PHF2: variants seen among roughly 807,000 people sequenced by gnomAD.
PHF2 encodes the protein lysine-specific demethylase PHF2.
In PHF2, 27 loss-of-function variants were observed where a neutral mutation model predicts 120.5. That is an observed-to-expected ratio of 0.22 (90% CI 0.17 to 0.31). The LOEUF (loss-of-function observed/expected upper bound fraction) is 0.31. Ranked by LOEUF, PHF2 falls within the 10% of genes least tolerant of loss-of-function variation. PHF2 has a pLI of 1.00. For missense variants in PHF2, 1,024 were observed against 1,434.8 expected, an observed-to-expected ratio of 0.71 and a Z score of 4.63; for synonymous variants, 568 against 592.5, an observed-to-expected ratio of 0.96 and a Z score of 0.60.
At chr9:93,586,618 A>G (rs1863049410) in intron 1 of PHF2, among the ~76,000 whole-genome samples, 1 of 152,370 alleles carries the variant, frequency 6.6e-6, no homozygotes, top group East Asian at 1.9e-4. Flanking sequence ...CATGTCACAC[A>G]TGAGGAATCC....
chr9:93,628,416 G>T (rs1351106223), intron 1 of PHF2, among the ~76,000 whole-genome samples: 4 of 152,106 alleles, frequency 2.6e-5, no homozygotes, highest in African/African-American at 4.8e-5. Context: ...CTTGTTACAG[G>T]TCTGTTCAAA....
intron 1 of PHF2, among the ~76,000 whole-genome samples, chr9:93,582,155 C>T (rs376926780): frequency 4.6e-5 from 7 of 152,182 alleles, no homozygotes; most frequent in African/African-American, 1.7e-4. Flanking sequence ...GCTAGGGCCT[C>T]TGTCACACAC....
chr9:93,674,200 G>A (rs999050558), intron 18 of PHF2, among the ~76,000 whole-genome samples: 2 of 152,038 alleles, frequency 1.3e-5, no homozygotes, highest in Admixed American at 1.3e-4. Flanking sequence ...GGCATTCCTC[G>A]ACAGGCCCCG....
intron 1 of PHF2, among the ~76,000 whole-genome samples, chr9:93,601,393 A>G (rs1469248199): frequency 2.6e-5 from 4 of 152,212 alleles, no homozygotes; most frequent in African/African-American, 7.2e-5. Flanking sequence ...AATGTCAGAC[A>G]CTACAGTGGT....
At chr9:93,614,329 C>T (rs1414470168) in intron 1 of PHF2, among the ~76,000 whole-genome samples, 2 of 152,238 alleles carry the variant, frequency 1.3e-5, no homozygotes, top group African/African-American at 4.8e-5. Context: ...TGAGGCTCCC[C>T]TCCTGCCTAC....
At chr9:93,578,642 T>A (rs1677933223) in intron 1 of PHF2, among the ~76,000 whole-genome samples, 1 of 152,116 alleles carries the variant, frequency 6.6e-6, no homozygotes, top group South Asian at 2.1e-4. Context: ...TCTCGCTGCT[T>A]AGGGGACCCT....
At chr9:93,619,684 T>A (rs1019621616) in intron 1 of PHF2, among the ~76,000 whole-genome samples, 22 of 152,184 alleles carry the variant, frequency 1.4e-4, no homozygotes, top group Admixed American at 3.9e-4. Flanking sequence ...TGGCCCGTGC[T>A]CTATGCCTGC....
chr9:93,585,557 C>A (rs1187829557), intron 1 of PHF2, among the ~76,000 whole-genome samples: 1 of 152,242 alleles, frequency 6.6e-6, no homozygotes, highest in Non-Finnish European at 1.5e-5. Context: ...CATTCTTGTT[C>A]CTGACATGCC....
rs1223297919 is a variant in PHF2, at chr9:93,656,730, C to T, written c.1147+135C>T. ...TGAGCAAGTCCTCTTGGGACTCAGA[C>T]CCCTGGGGCTCAGTTTCCCCATCTG... On this transcript the variant is annotated intron_variant, in intron 9 of 21. Transcript: ENST00000359246. This position sits in a 1 kb window ranked among gnomAD's most constrained non-coding sequence, Gnocchi z 4.1. 6 of 651,420 alleles carry T rather than the reference C, an allele frequency of 9.2e-6. No homozygotes were observed. The African/African-American group carries it at 1.1e-4, about 12-fold the overall frequency. The allele number at this position is 651,420 out of a possible 1,614,324, so 40.4% of individuals were successfully genotyped here. A position where few individuals can be genotyped will look rare whatever the true frequency, so the allele number is the denominator to read the frequency against.
At chr9:93,668,548 G>T (rs1826724183) in intron 17 of PHF2, among the ~76,000 whole-genome samples, 1 of 152,170 alleles carries the variant, frequency 6.6e-6, no homozygotes, top group African/African-American at 2.4e-5. Flanking sequence ...GGGCAGACAG[G>T]GCCAAAAGCC....
intron 3 of PHF2, among the ~76,000 whole-genome samples, chr9:93,644,073 C>T (rs1203480661): frequency 1.3e-5 from 2 of 152,188 alleles, no homozygotes; most frequent in African/African-American, 2.4e-5. Flanking sequence ...CCGCAGACTA[C>T]ACCACTGCCC....
At chr9:93,631,348 T>C (rs1825999080) in intron 2 of PHF2, among the ~76,000 whole-genome samples, 1 of 152,110 alleles carries the variant, frequency 6.6e-6, no homozygotes, top group Admixed American at 6.5e-5. Context: ...CCTCAACAAA[T>C]ATGCAAGCGG....
At chr9:93,596,020 G>A (rs929284231) in intron 1 of PHF2, among the ~76,000 whole-genome samples, 2 of 152,156 alleles carry the variant, frequency 1.3e-5, no homozygotes, top group South Asian at 2.1e-4. Flanking sequence ...GCTTACCCAC[G>A]GTCTGTCCTC....
intron 14 of PHF2, among the ~76,000 whole-genome samples, chr9:93,665,266 G>C (rs954324679): frequency 6.6e-6 from 1 of 152,226 alleles, no homozygotes; most frequent in South Asian, 2.1e-4. Context: ...TCCTAGGCAG[G>C]CCCGAGGCGG....
chr9:93,617,715 A>G (rs1293741782), intron 1 of PHF2, among the ~76,000 whole-genome samples: 5 of 152,230 alleles, frequency 3.3e-5, no homozygotes, highest in Admixed American at 3.3e-4. Flanking sequence ...CTGCAAGCTG[A>G]GGAGCAAGGA....
chr9:93,586,039 C>T (rs1008492826), intron 1 of PHF2, among the ~76,000 whole-genome samples: 4 of 152,222 alleles, frequency 2.6e-5, no homozygotes, highest in Non-Finnish European at 5.9e-5. Context: ...AGACTGAGGC[C>T]TGGAGTCCTG....
chr9:93,655,819 C>A lies in PHF2; in HGVS notation c.953-115C>A, dbSNP rs1043396309. 3 of 709,484 alleles carry A rather than the reference C, an allele frequency of 4.2e-6. No individual in the cohort carries two copies. The African/African-American group carries it at 5.4e-5, about 13-fold the overall frequency. 43.9% of individuals were successfully genotyped at this position (709,484 alleles called of 1,614,324 possible). A position where few individuals can be genotyped will look rare whatever the true frequency, so the allele number is the denominator to read the frequency against. ...GGTGTAGGCGGGCAGGAGCTGGAGCCTGGGCTGGGCCGGGAAAGGCCTGTG... is the reference window on the plus strand; with the variant it reads ...GGTGTAGGCGGGCAGGAGCTGGAGCATGGGCTGGGCCGGGAAAGGCCTGTG... On this transcript the variant is annotated intron_variant, in intron 7 of 21. Coordinates refer to ENST00000359246, the MANE Select transcript of PHF2 (RefSeq NM_005392.4).
Position 93,635,673 on chromosome 9 carries a change from TG to T in PHF2, c.185-737del, listed in dbSNP as rs200459577. On this transcript the variant is annotated intron_variant, in intron 2 of 21. Coordinates refer to ENST00000359246, the MANE Select transcript of PHF2 (RefSeq NM_005392.4). The stretch of plus-strand genomic sequence containing the variant: ...CATAGGGCTTGTGGTCCAGTAGGGG[TG>T]TGTGCATGTATATGTACATATGTGT... Among the ~76,000 whole-genome samples, 582 of 152,100 alleles carry T rather than the reference TG, an allele frequency of 3.8e-3. 8 individuals carry two copies. The highest frequency in any genetic ancestry group is 0.014 in the African/African-American group (563 of 41,480).
intron 4 of PHF2, among the ~76,000 whole-genome samples, chr9:93,648,859 T>C (rs1826307109): frequency 6.6e-6 from 1 of 151,952 alleles, no homozygotes; most frequent in Admixed American, 6.6e-5. Flanking sequence ...CCTCACAGCA[T>C]CACCAGGTCA....
Sources: allele counts gnomAD v4.1 joint callset (sites outside exome capture counted in the v4.1 genomes callset), GRCh38; gene constraint gnomAD v4.1.1; non-coding constraint Gnocchi (gnomAD v3.1); transcripts MANE v1.5; gene names NCBI Gene and HGNC (gene_info 2026-07-23, HGNC 2026-07-21).